PTPRC: variants seen among roughly 807,000 people sequenced by gnomAD.
PTPRC encodes protein tyrosine phosphatase receptor type C, also known as receptor-type tyrosine-protein phosphatase C.
Under a neutral mutation model 155.9 loss-of-function variants are expected in PTPRC, and 44 were observed. The ratio of observed to expected loss-of-function variants is 0.28; its 90% CI spans 0.22 to 0.36. The LOEUF (loss-of-function observed/expected upper bound fraction) is 0.36, where lower values mean the gene tolerates loss of function less well. PTPRC is among the 10% of genes least tolerant of loss of function. The pLI is 1.00. For missense variants in PTPRC, 1,401 were observed against 1,564.6 expected, an observed-to-expected ratio of 0.90 and a Z score of 1.76; for synonymous variants, 525 against 533.1, an observed-to-expected ratio of 0.98 and a Z score of 0.21.
At chr1:198,710,109 G>A (rs1472432899) in intron 11 of PTPRC, among the ~76,000 whole-genome samples, 1 of 152,062 alleles carries the variant, frequency 6.6e-6, no homozygotes, top group African/African-American at 2.4e-5. Flanking sequence ...TACCCACTTT[G>A]AGTTAATATT....
Position 198,702,441 on chromosome 1 carries a change from C to T in PTPRC, c.494C>T (p.Pro165Leu). The change falls in exon 6 of 33, where the codon CCA becomes CTA. Residue 165 changes from proline (P) to leucine (L), a missense_variant. By Grantham distance (98) the Pro-to-Leu change is moderately conservative. Coordinates refer to ENST00000442510, the MANE Select transcript of PTPRC (RefSeq NM_002838.5). ...ACCTTTCCTACAGACCCAGTTTCCC[C>T]ATTGACAACCACCCTCAGCCTTGCA... Reference protein sequence around the residue: ...ASTFPTDPVSPLTTTLSLAHH... With the variant: ...ASTFPTDPVSLLTTTLSLAHH... 1 of 1,614,200 alleles carries T rather than the reference C, an allele frequency of 6.2e-7. No homozygotes were observed. The highest frequency in any genetic ancestry group is 1.1e-5 in the South Asian group (1 of 91,082).
At position 198,692,330 on chromosome 1, in the gene PTPRC, T is replaced by C. The variant is rs765423734; in HGVS notation, c.74-17T>C. On this transcript the variant is annotated splice_polypyrimidine_tract_variant and intron_variant, in intron 2 of 32. Coordinates refer to ENST00000442510, the MANE Select transcript of PTPRC (RefSeq NM_002838.5). ...AAATTTGAAATTTTCTAAGAGATTTTTGTTTCTTCTTTGCAGGGCAAAGCC... is the reference window on the plus strand; with the variant it reads ...AAATTTGAAATTTTCTAAGAGATTTCTGTTTCTTCTTTGCAGGGCAAAGCC... 1 of 1,509,080 alleles carries C rather than the reference T, an allele frequency of 6.6e-7. No individual in the cohort carries two copies. The highest frequency in any genetic ancestry group is 1.3e-5 in the South Asian group (1 of 75,032). 93.5% of individuals were successfully genotyped at this position (1,509,080 alleles called of 1,614,324 possible). A position where few individuals can be genotyped will look rare whatever the true frequency, so the allele number is the denominator to read the frequency against.
chr1:198,735,068 T>C, intron 22 of PTPRC, 59 bp from the exon 23 acceptor site: 1 of 1,425,808 alleles, frequency 7.0e-7, no homozygotes, highest in Non-Finnish European at 9.6e-7. Flanking sequence ...TAAAGAAAGT[T>C]TGATAAAAAA....
At chr1:198,725,138 G>C (rs576523301) in intron 15 of PTPRC, among the ~76,000 whole-genome samples, 1 of 152,174 alleles carries the variant, frequency 6.6e-6, no homozygotes, top group African/African-American at 2.4e-5. Context: ...GGATGCTATT[G>C]ACCTTTGTAA....
At chr1:198,737,346 ATT>A (rs34364205) in intron 23 of PTPRC, among the ~76,000 whole-genome samples, 1 of 151,160 alleles carries the variant, frequency 6.6e-6, no homozygotes, top group African/African-American at 2.4e-5. Context: ...AGTCTAATCC[ATT>A]TTTTTTATTT....
chr1:198,642,946 T>A (rs1274560410), intron 2 of PTPRC, among the ~76,000 whole-genome samples: 1 of 150,442 alleles, frequency 6.6e-6, no homozygotes, highest in Non-Finnish European at 1.5e-5. Context: ...CTTTCTTTCT[T>A]TCTTTCTTTC....
chr1:198,676,467 C>T (rs1664958294), intron 2 of PTPRC, among the ~76,000 whole-genome samples: 1 of 152,056 alleles, frequency 6.6e-6, no homozygotes, highest in South Asian at 2.1e-4. Context: ...GGATGAATGC[C>T]AAGAAAATGG....
At position 198,744,146 on chromosome 1, in the gene PTPRC, T is replaced by C. The variant is rs775939547; in HGVS notation, c.2790T>C (p.His930=). The change falls in exon 26 of 33, where the codon CAT becomes CAC. Residue 930 remains histidine (H), a synonymous_variant. Coordinates refer to ENST00000442510, the MANE Select transcript of PTPRC (RefSeq NM_002838.5). ...VNLSELHPYL[H]NMKKRDPPSE... is the part of the protein sequence containing the mutation. ...TGTCTGAATTACATCCATATCTACA[T>C]AACATGAAGAAAAGGGATCCACCCA... 5.0e-6 allele frequency: 8 copies of C among 1,606,404 alleles called. No individual in the cohort carries two copies. In the South Asian group the frequency reaches 8.8e-5, roughly 18 times the overall value.
intron 2 of PTPRC, among the ~76,000 whole-genome samples, chr1:198,686,378 A>G (rs182843473): frequency 1.3e-5 from 2 of 152,312 alleles, no homozygotes; most frequent in East Asian, 3.9e-4. Flanking sequence ...AAAACACAAG[A>G]CATTTAAGTT....
intron 2 of PTPRC, among the ~76,000 whole-genome samples, chr1:198,668,429 A>G (rs904603096): frequency 3.3e-5 from 5 of 152,206 alleles, no homozygotes; most frequent in African/African-American, 9.6e-5. Context: ...AGTTAGATAG[A>G]TAAAGAAGAG....
chr1:198,716,610 A>C, intron 12 of PTPRC, 72 bp from the exon 13 acceptor site: 1 of 1,363,432 alleles, frequency 7.3e-7, no homozygotes, highest in Non-Finnish European at 1.0e-6. Context: ...TGATGTAGAG[A>C]CCAAATTAAT....
At chr1:198,696,315 A>T (rs2102383079) in intron 3 of PTPRC, among the ~76,000 whole-genome samples, 1 of 151,826 alleles carries the variant, frequency 6.6e-6, no homozygotes, top group Non-Finnish European at 1.5e-5. Context: ...TTCTTTATCT[A>T]CAACTTTTTA....
chr1:198,701,607 T>A (rs773574370), intron 5 of PTPRC, among the ~76,000 whole-genome samples: 1 of 152,342 alleles, frequency 6.6e-6, no homozygotes, highest in East Asian at 1.9e-4. Flanking sequence ...ATTAGGTAAT[T>A]TGAAGCCTGA....
chr1:198,713,672 G>A (rs1314791806), intron 12 of PTPRC, among the ~76,000 whole-genome samples: 3 of 152,146 alleles, frequency 2.0e-5, no homozygotes, highest in Non-Finnish European at 4.4e-5. Context: ...TGCTATTTAA[G>A]AGAACAAATA....
At chr1:198,750,690 G>T in intron 29 of PTPRC, 64 bp downstream of exon 29, 2 of 1,578,528 alleles carry the variant, frequency 1.3e-6, no homozygotes, top group Non-Finnish European at 8.7e-7. Context: ...TCTAGTCTTG[G>T]ATTGCTTGCT....
chr1:198,741,787 A>G, intron 23 of PTPRC, 82 bp from the exon 24 acceptor site: 2 of 1,369,396 alleles, frequency 1.5e-6, no homozygotes, highest in Middle Eastern at 2.0e-4. Flanking sequence ...GAGACTTTGT[A>G]CTGGTACTCC....
chr1:198,750,457 A>G, intron 28 of PTPRC, 35 bp from the exon 29 acceptor site: 1 of 1,597,960 alleles, frequency 6.3e-7, no homozygotes, highest in East Asian at 2.2e-5. Flanking sequence ...TCTCTTCTGT[A>G]GTAACGAAGT....
chr1:198,688,014 C>G (rs1665726592), intron 2 of PTPRC, among the ~76,000 whole-genome samples: 1 of 151,804 alleles, frequency 6.6e-6, no homozygotes, highest in Admixed American at 6.6e-5. Flanking sequence ...GAGTCTTACA[C>G]TAAGTCTAAA....
At chr1:198,753,704 T>G (rs1426435799) in intron 31 of PTPRC, among the ~76,000 whole-genome samples, 2 of 152,052 alleles carry the variant, frequency 1.3e-5, no homozygotes, top group Non-Finnish European at 2.9e-5. Context: ...AATTGAATCT[T>G]TATGATAATG....
Sources: gnomAD v4.1 joint callset for allele counts (sites outside exome capture counted in the v4.1 genomes callset) on GRCh38, gnomAD v4.1.1 for gene constraint, MANE v1.5 for transcripts, NCBI Gene and HGNC (gene_info 2026-07-23, HGNC 2026-07-21) for gene names.